RCAN1: variants seen among roughly 807,000 people sequenced by gnomAD.
The protein encoded by RCAN1 is regulator of calcineurin 1.
Under a neutral mutation model 22.9 loss-of-function variants are expected in RCAN1, and 11 were observed. That is an observed-to-expected ratio of 0.48 (90% CI 0.30 to 0.79). The LOEUF is 0.79. RCAN1 is among the 30% of genes least tolerant of loss of function. The pLI is 0.06. For missense variants in RCAN1, 291 were observed against 337.8 expected (o/e 0.86, Z 1.09); for synonymous variants, 136 against 142.3 (o/e 0.96, Z 0.32).
chr21:34,563,296 A>G (rs1601177789), intron 1 of RCAN1, among the ~76,000 whole-genome samples: 1 of 152,212 alleles, frequency 6.6e-6, no homozygotes, highest in South Asian at 2.1e-4. Context: ...AAGTAATCCA[A>G]CCTTTCTGGA....
At chr21:34,529,789 A>T (rs564282719) in intron 1 of RCAN1, among the ~76,000 whole-genome samples, 32 of 152,256 alleles carry the variant, frequency 2.1e-4, no homozygotes, top group African/African-American at 6.7e-4. Context: ...TCTCAACTTG[A>T]ATTGTATCTC....
At chr21:34,613,860 G>A (rs1171737946) in intron 1 of RCAN1, 3 of 1,435,760 alleles carry the variant, frequency 2.1e-6, no homozygotes, top group Non-Finnish European at 9.3e-7. Context: ...AGCATTTGTG[G>A]ACCCACAGCC....
At chr21:34,551,269 TG>T (rs1405595613) in intron 1 of RCAN1, among the ~76,000 whole-genome samples, 1 of 152,128 alleles carries the variant, frequency 6.6e-6, no homozygotes, top group East Asian at 1.9e-4. Flanking sequence ...TGAAGGTCTG[TG>T]GCTGGCTTCT....
chr21:34,590,180 A>G (rs1987925791), intron 1 of RCAN1, among the ~76,000 whole-genome samples: 1 of 152,174 alleles, frequency 6.6e-6, no homozygotes, highest in African/African-American at 2.4e-5. Context: ...TTTAAAAATC[A>G]TATCCTCAGA....
At chr21:34,524,409 C>T (rs1314052280) in intron 1 of RCAN1, 1 of 151,112 alleles carries the variant, frequency 6.6e-6, no homozygotes, top group African/African-American at 2.4e-5. Flanking sequence ...TGTCCTATAG[C>T]CTTCCCCGGC....
chr21:34,531,786 C>A (rs1034936908), intron 1 of RCAN1, among the ~76,000 whole-genome samples: 1 of 152,144 alleles, frequency 6.6e-6, no homozygotes, highest in African/African-American at 2.4e-5. Context: ...TTCTCTTCCC[C>A]AAGTCTCTGC....
chr21:34,524,818 C>T (rs1984893301), intron 1 of RCAN1, among the ~76,000 whole-genome samples: 1 of 152,050 alleles, frequency 6.6e-6, no homozygotes, highest in South Asian at 2.1e-4. Context: ...GGGACAGCCC[C>T]CTAGGCTGGG....
intron 1 of RCAN1, among the ~76,000 whole-genome samples, chr21:34,552,535 AT>A (rs916933334): frequency 2.6e-5 from 4 of 152,268 alleles, no homozygotes; most frequent in South Asian, 2.1e-4. Flanking sequence ...GGTTTACGAG[AT>A]TTTTTCCAGA....
At chr21:34,585,526 A>G (rs564882667) in intron 1 of RCAN1, among the ~76,000 whole-genome samples, 4 of 152,116 alleles carry the variant, frequency 2.6e-5, no homozygotes, top group Non-Finnish European at 5.9e-5. Context: ...GGCGGATCAC[A>G]AGGTCAGGAG....
intron 3 of RCAN1, among the ~76,000 whole-genome samples, chr21:34,519,558 T>G (rs937089980): frequency 1.3e-5 from 2 of 151,786 alleles, no homozygotes; most frequent in Non-Finnish European, 2.9e-5. Flanking sequence ...GCCATCATAC[T>G]CAGCTAATTT....
rs75221413 is a variant in RCAN1 at position 34,562,638 on chromosome 21, C to T, written c.253-38928G>A. ...CAAAAGTTAAATTCTCCATTGTCAA[C>T]GGTGGTATCAGGGCTCTGGGCTACC... On this transcript the variant is annotated intron_variant, in intron 1 of 3. Transcript: ENST00000313806. 4.1e-4 allele frequency among the ~76,000 whole-genome samples: 62 copies of T among 152,318 alleles called. No individual in the cohort carries two copies. In the East Asian group the frequency reaches 0.011, roughly 27 times the overall value.
intron 1 of RCAN1, among the ~76,000 whole-genome samples, chr21:34,561,291 G>A (rs1311731225): frequency 6.6e-6 from 1 of 152,130 alleles, no homozygotes; most frequent in Non-Finnish European, 1.5e-5. Context: ...TTGACATCAT[G>A]ATCAGAGTAA....
intron 1 of RCAN1, among the ~76,000 whole-genome samples, chr21:34,544,847 C>A (rs1035046906): frequency 2.0e-5 from 3 of 152,260 alleles, no homozygotes; most frequent in Middle Eastern, 3.4e-3. Flanking sequence ...AACAGCAGTG[C>A]GAGGGACGCA....
At chr21:34,583,863 C>T (rs193283881) in intron 1 of RCAN1, among the ~76,000 whole-genome samples, 1 of 152,190 alleles carries the variant, frequency 6.6e-6, no homozygotes, top group Non-Finnish European at 1.5e-5. Context: ...TGAAGGCTGA[C>T]CACTGAAAAA....
chr21:34,534,971 C>G (rs2123611968), intron 1 of RCAN1, among the ~76,000 whole-genome samples: 1 of 152,314 alleles, frequency 6.6e-6, no homozygotes, highest in African/African-American at 2.4e-5. Context: ...CAGCACCAAC[C>G]CCATGACAAG....
intron 1 of RCAN1, among the ~76,000 whole-genome samples, chr21:34,555,729 T>A (rs913419988): frequency 1.3e-5 from 2 of 151,872 alleles, no homozygotes; most frequent in African/African-American, 4.8e-5. Context: ...TGCTTTTGTA[T>A]ACACTTGACA....
At chr21:34,568,966 G>A (rs1000550021) in intron 1 of RCAN1, among the ~76,000 whole-genome samples, 1 of 152,218 alleles carries the variant, frequency 6.6e-6, no homozygotes, top group African/African-American at 2.4e-5. Context: ...AAAGGAAAAT[G>A]AGGAAGAAAC....
chr21:34,538,358 C>T (rs886995658), intron 1 of RCAN1, among the ~76,000 whole-genome samples: 3 of 152,064 alleles, frequency 2.0e-5, no homozygotes, highest in Admixed American at 6.5e-5. Context: ...ATTTAAGAAA[C>T]GCTCCCTGTT....
intron 1 of RCAN1, among the ~76,000 whole-genome samples, chr21:34,540,723 A>C (rs1462304658): frequency 1.3e-5 from 2 of 151,934 alleles, no homozygotes; most frequent in Non-Finnish European, 2.9e-5. Context: ...GTGGTGGCTC[A>C]CTCCTGTAAT....
Sources: allele counts gnomAD v4.1 joint callset (sites outside exome capture counted in the v4.1 genomes callset), GRCh38; gene constraint gnomAD v4.1.1; transcripts MANE v1.5; gene names NCBI Gene and HGNC (gene_info 2026-07-23, HGNC 2026-07-21).